The following KSR2 variants were observed in gnomAD, a reference collection of about 807,000 sequenced individuals.
The protein encoded by KSR2 is kinase suppressor of ras 2.
In KSR2, 25 loss-of-function variants were observed where a neutral mutation model predicts 107.8. The observed-to-expected ratio is 0.23, with a 90% confidence interval of 0.17 to 0.32. The LOEUF (loss-of-function observed/expected upper bound fraction) is 0.32, where lower values mean the gene tolerates loss of function less well. KSR2 is among the 10% of genes least tolerant of loss of function. The probability of loss-of-function intolerance (pLI) is 1.00; values close to 1 mark genes in which losing one functional copy is unlikely to be tolerated. For synonymous variants in KSR2, 480 were observed against 507.0 expected, an observed-to-expected ratio of 0.95 and a Z score of 0.71; for missense variants, 887 against 1,268.9, an observed-to-expected ratio of 0.70 and a Z score of 4.57.
At chr12:117,520,953 C>T (rs1048317043) in intron 14 of KSR2, among the ~76,000 whole-genome samples, 3 of 152,108 alleles carry the variant, frequency 2.0e-5, no homozygotes, top group African/African-American at 7.2e-5. Context: ...CTACAGTCCC[C>T]ACCACAAAGG....
intron 9 of KSR2, among the ~76,000 whole-genome samples, chr12:117,553,501 C>T (rs1478213669): frequency 6.6e-6 from 1 of 152,184 alleles, no homozygotes; most frequent in Admixed American, 6.5e-5. Flanking sequence ...GGGCAATCCT[C>T]TCTCTGTGTG....
intron 7 of KSR2, 71 bp from the exon 8 acceptor site, chr12:117,558,644 T>G (rs897050176): frequency 1.3e-5 from 14 of 1,108,266 alleles, no homozygotes; most frequent in Middle Eastern, 3.9e-4. Flanking sequence ...GGTGGGTGGA[T>G]GAATGGATGG....
In KSR2 at chr12:117,799,085, T is replaced by G. The variant is rs7297790; in HGVS notation, c.473-37561A>C. Among the ~76,000 whole-genome samples, 236 of 152,194 alleles carry G rather than the reference T, an allele frequency of 1.6e-3. 1 individual carries two copies. The highest frequency in any genetic ancestry group is 1.3e-3 in the Non-Finnish European group (86 of 68,012). On this transcript the variant is annotated intron_variant, in intron 3 of 19. Coordinates refer to ENST00000339824, the MANE Select transcript of KSR2 (RefSeq NM_173598.6). ...CTGGGAAAAAGAGAAGAACAGGTAT[T>G]AAGTGATTCCTTAATGGGTACAGAG...
At chr12:117,870,689 G>C (rs1388183939) in intron 1 of KSR2, among the ~76,000 whole-genome samples, 1 of 152,180 alleles carries the variant, frequency 6.6e-6, no homozygotes, top group Non-Finnish European at 1.5e-5. Flanking sequence ...TGTGGATTCT[G>C]GGGAGGTGTT....
At chr12:117,890,095 C>T (rs1224436126) in intron 1 of KSR2, among the ~76,000 whole-genome samples, 2 of 152,210 alleles carry the variant, frequency 1.3e-5, no homozygotes, top group African/African-American at 2.4e-5. Context: ...GCGTTTCTAA[C>T]AAGTTCCCAG....
At chr12:117,723,747 G>C (rs956057094) in intron 4 of KSR2, among the ~76,000 whole-genome samples, 16 of 151,840 alleles carry the variant, frequency 1.1e-4, no homozygotes, top group Admixed American at 4.6e-4. Flanking sequence ...AAGTTGGGGG[G>C]AGGATACAAG....
chr12:117,601,186 G>A (rs934396057), intron 5 of KSR2, among the ~76,000 whole-genome samples: 4 of 152,082 alleles, frequency 2.6e-5, no homozygotes, highest in East Asian at 1.9e-4. Flanking sequence ...CTAGCACTTA[G>A]TAGGTGCTTA....
chr12:117,470,193 TATCCATCCATCC>T (rs60164511), intron 18 of KSR2, among the ~76,000 whole-genome samples: 21,438 of 138,224 alleles, frequency 0.16, 1,766 homozygotes, highest in African/African-American at 0.22. Context: ...CATCTTTCAT[TATCCATCCATCC>T]ATCCATCCAT....
chr12:117,691,584 C>G (rs1420529415), intron 4 of KSR2, among the ~76,000 whole-genome samples: 9 of 152,222 alleles, frequency 5.9e-5, no homozygotes, highest in Admixed American at 5.9e-4. Flanking sequence ...GGGTGCAGGC[C>G]AGAGCCATCA....
intron 1 of KSR2, among the ~76,000 whole-genome samples, chr12:117,876,755 AT>A (rs1893866965): frequency 6.7e-6 from 1 of 148,748 alleles, no homozygotes; most frequent in African/African-American, 2.4e-5. Context: ...ATAATTTGAA[AT>A]ATATATATTT....
intron 4 of KSR2, among the ~76,000 whole-genome samples, chr12:117,703,593 T>C (rs763348912): frequency 1.3e-5 from 2 of 152,138 alleles, no homozygotes; most frequent in Admixed American, 6.5e-5. Flanking sequence ...AAATTGAACG[T>C]TGAAGTTCTT....
chr12:117,478,254 T>C (rs1871920226), intron 16 of KSR2, among the ~76,000 whole-genome samples: 1 of 152,118 alleles, frequency 6.6e-6, no homozygotes, highest in African/African-American at 2.4e-5. Flanking sequence ...TCATATCCCA[T>C]AATCATGATT....
intron 4 of KSR2, among the ~76,000 whole-genome samples, chr12:117,702,316 C>T (rs2136621825): frequency 6.6e-6 from 1 of 152,306 alleles, no homozygotes; most frequent in Middle Eastern, 3.4e-3. Context: ...ATCATCTTAT[C>T]AGATCTGTTC....
rs376335089 is a variant in KSR2 at position 117,943,857 on chromosome 12, G to C, written c.180+24219C>G. On this transcript the variant is annotated intron_variant, in intron 1 of 19. Coordinates refer to ENST00000339824, the MANE Select transcript of KSR2 (RefSeq NM_173598.6). ...TTTCCCCCATACTGTTCTTGTGGTAGTGAATAAGTCTCACAAGATCTGATA... is the reference window on the plus strand; with the variant it reads ...TTTCCCCCATACTGTTCTTGTGGTACTGAATAAGTCTCACAAGATCTGATA... Among the ~76,000 whole-genome samples the C allele has an allele frequency of 4.6e-5, 7 of 152,296 alleles. No individual in the cohort carries two copies. In the East Asian group the frequency reaches 1.2e-3, roughly 25 times the overall value.
At chr12:117,796,491 T>C (rs1036796379) in intron 3 of KSR2, among the ~76,000 whole-genome samples, 2 of 152,212 alleles carry the variant, frequency 1.3e-5, no homozygotes, top group Non-Finnish European at 2.9e-5. Flanking sequence ...AAACCCATGC[T>C]ACATTCGTGG....
At chr12:117,619,812 A>G (rs1882088455) in intron 5 of KSR2, among the ~76,000 whole-genome samples, 1 of 151,994 alleles carries the variant, frequency 6.6e-6, no homozygotes, top group Non-Finnish European at 1.5e-5. Context: ...TATGATGTAC[A>G]TATAAAATTC....
intron 19 of KSR2, chr12:117,467,925 T>G (rs1346719767): frequency 5.4e-6 from 2 of 373,086 alleles, no homozygotes; most frequent in African/African-American, 2.2e-5. Flanking sequence ...CTGTGTTTTT[T>G]TTTTTTTTTT....
intron 4 of KSR2, chr12:117,674,346 T>C (rs1322912993): frequency 8.2e-6 from 4 of 487,358 alleles, no homozygotes; most frequent in Middle Eastern, 3.2e-4. Context: ...CATTTTTGCT[T>C]TTTTGTTATA....
At chr12:117,833,648 T>C (rs1892070826) in intron 3 of KSR2, among the ~76,000 whole-genome samples, 1 of 152,124 alleles carries the variant, frequency 6.6e-6, no homozygotes, top group Non-Finnish European at 1.5e-5. Flanking sequence ...GGATTACAAG[T>C]ATGAGCCATT....
Sources: gnomAD v4.1 joint callset for allele counts (sites outside exome capture counted in the v4.1 genomes callset) on GRCh38, gnomAD v4.1.1 for gene constraint, MANE v1.5 for transcripts, NCBI Gene and HGNC (gene_info 2026-07-23, HGNC 2026-07-21) for gene names.